The following RYR3 variants were observed in gnomAD, a reference collection of about 807,000 sequenced individuals.
The protein encoded by RYR3 is brain ryanodine receptor-calcium release channel.
In RYR3, 207 loss-of-function variants were observed where a neutral mutation model predicts 584.3. The ratio of observed to expected loss-of-function variants is 0.35; its 90% CI spans 0.32 to 0.40. The LOEUF is 0.40. Among genes scored for constraint, RYR3 ranks in the 10% least tolerant of loss-of-function variants. The pLI is 1.00. For missense variants in RYR3, 5,616 were observed against 6,089.2 expected (o/e 0.92, Z 2.59); for synonymous variants, 2,416 against 2,248.5 (o/e 1.07, Z -2.11).
chr15:33,662,671 T>A lies in RYR3; in HGVS notation c.5141T>A (p.Val1714Glu), dbSNP rs374176908. Residue 1714 changes from valine (V) to glutamate (E), a missense_variant, in exon 35 of 104, where the codon GTA becomes GAA. By Grantham distance (121) the Val-to-Glu change is moderately radical. Transcript: ENST00000634891. Reference sequence around the variant, plus strand: ...AGCGGGGCCCACATCCGAGACCCTGTAGGGGGGTCTGTGGAGTTCCAGTTT... The same window carrying A: ...AGCGGGGCCCACATCCGAGACCCTGAAGGGGGGTCTGTGGAGTTCCAGTTT... Reference protein sequence around the residue: ...QCSGAHIRDPVGGSVEFQFVP... With the variant: ...QCSGAHIRDPEGGSVEFQFVP... 4 of 1,614,104 alleles carry A rather than the reference T, an allele frequency of 2.5e-6. No individual in the cohort carries two copies. Among genetic ancestry groups the A allele is most frequent in the Non-Finnish European group, 3.4e-6 (4 of 1,179,964 alleles).
At position 33,603,499 on chromosome 15, in the gene RYR3, GA is replaced by G. The variant is rs1243423133; in HGVS notation, c.2164+139del. 13 of 958,830 alleles carry G rather than the reference GA, an allele frequency of 1.4e-5. No homozygotes were observed. In the African/African-American group the frequency reaches 1.6e-4, roughly 12 times the overall value. 59.4% of individuals were successfully genotyped at this position (958,830 alleles called of 1,614,324 possible). A position where few individuals can be genotyped will look rare whatever the true frequency, so the allele number is the denominator to read the frequency against. On this transcript the variant is annotated intron_variant, in intron 18 of 103. Transcript: ENST00000634891. ...TCTCAACTAATTAAACGGTTAGGTG[GA>G]AAAGAGTATCAGATTAAAATAAGAC...
intron 65 of RYR3, among the ~76,000 whole-genome samples, chr15:33,781,047 C>G (rs993391085): frequency 1.3e-5 from 2 of 152,130 alleles, no homozygotes; most frequent in Non-Finnish European, 2.9e-5. Flanking sequence ...AAGTTTGGCC[C>G]GCGAGGCCTA....
In RYR3 at chr15:33,342,671, C is replaced by T. The variant is rs891271040; in HGVS notation, c.51+31575C>T. 2.6e-5 allele frequency among the ~76,000 whole-genome samples: 4 copies of T among 152,144 alleles called. No individual in the cohort carries two copies. The East Asian group carries it at 5.8e-4, about 22-fold the overall frequency. On this transcript the variant is annotated intron_variant, in intron 1 of 103. Transcript: ENST00000634891. ...GTTTTCTACCTCAAAATCCTTCCCC[C>T]CTTCTCCTAAATTCAAAAACAGAAG...
At chr15:33,805,070 G>A (rs1202474567) in intron 69 of RYR3, among the ~76,000 whole-genome samples, 1 of 152,206 alleles carries the variant, frequency 6.6e-6, no homozygotes, top group Non-Finnish European at 1.5e-5. Context: ...TATATTTTGT[G>A]TATATAACAC....
intron 38 of RYR3, among the ~76,000 whole-genome samples, chr15:33,682,832 C>T (rs1388623776): frequency 1.3e-5 from 2 of 152,082 alleles, no homozygotes; most frequent in South Asian, 2.1e-4. Flanking sequence ...GCTGAGGCGT[C>T]CTTACTATGT....
rs1349458499 is a variant in RYR3 at position 33,586,033 on chromosome 15, A to C, written c.1705A>C (p.Ser569Arg). Reference sequence around the variant, plus strand: ...AGTTTTGCACTGCATCTTAACTGAAAGCCCAGAAGCCTTAAATCTGATAGC... The same window carrying C: ...AGTTTTGCACTGCATCTTAACTGAACGCCCAGAAGCCTTAAATCTGATAGC... ...LEVLHCILTE[S>R]PEALNLIAEG... Residue 569 changes from serine to arginine, a missense_variant, in exon 16 of 104, where the codon AGC (serine) becomes CGC (arginine). Transcript: ENST00000634891. 6.2e-7 allele frequency: 1 copy of C among 1,613,428 alleles called. No individual in the cohort carries two copies. The highest frequency in any genetic ancestry group is 1.3e-5 in the African/African-American group (1 of 74,910).
chr15:33,775,933 C>G (rs2073967314), intron 64 of RYR3, among the ~76,000 whole-genome samples: 1 of 152,210 alleles, frequency 6.6e-6, no homozygotes, highest in African/African-American at 2.4e-5. Flanking sequence ...ATTTCGGTGT[C>G]CTTACTTGAT....
At chr15:33,771,130 G>A (rs979619382) in intron 62 of RYR3, among the ~76,000 whole-genome samples, 29 of 152,218 alleles carry the variant, frequency 1.9e-4, no homozygotes, top group African/African-American at 6.8e-4. Flanking sequence ...AACCTAGGAC[G>A]TTTCCCGCAA....
At chr15:33,836,863 G>T (rs776120762) in intron 87 of RYR3, 43 bp from the exon 88 acceptor site, 10 of 1,523,774 alleles carry the variant, frequency 6.6e-6, no homozygotes, top group Non-Finnish European at 9.1e-6. Flanking sequence ...GTACTTTACT[G>T]AGGGATCAGA....
rs2078516246 is a variant in RYR3 at position 33,843,513 on chromosome 15, A to G, written c.13235A>G (p.Asn4412Ser). Residue 4412 changes from asparagine to serine, a missense_variant, in exon 92 of 104, where the codon AAC (asparagine) becomes AGC (serine). Around this residue, in one of 9 missense-constraint regions of RYR3, gnomAD observed 918 missense variants for 887.4 expected, o/e 1.03. Transcript: ENST00000634891. ...LLHYLARNFY[N>S]LRFLALFVAF... ...CATTACCTGGCCAGGAATTTCTACA[A>G]CCTGAGGTTCCTTGCTCTGTTTGTA... 6.2e-7 allele frequency: 1 copy of G among 1,604,626 alleles called. No individual in the cohort carries two copies.
Position 33,748,515 on chromosome 15 carries a change from C to T in RYR3, c.8184C>T (p.Leu2728=). The change falls in exon 55 of 104, where the codon CTC becomes CTT. Residue 2728 remains leucine, a synonymous_variant. Transcript: ENST00000634891. ...PAPLDLSNVV[L]SRELQGMVEV... ...CCCTCGACCTCTCAAACGTTGTGCT[C>T]TCCAGAGAGCTCCAGGTCAGTGCCC... 1.2e-6 allele frequency: 2 copies of T among 1,612,572 alleles called. No individual in the cohort carries two copies. Among genetic ancestry groups the T allele is most frequent in the Non-Finnish European group, 1.7e-6 (2 of 1,179,374 alleles).
At chr15:33,647,615 T>TG (rs2062176768) in intron 30 of RYR3, among the ~76,000 whole-genome samples, 155 bp downstream of exon 30, 1 of 152,184 alleles carries the variant, frequency 6.6e-6, no homozygotes, top group African/African-American at 2.4e-5. Context: ...AACACATCTG[T>TG]GGCATTTCTC....
intron 48 of RYR3, among the ~76,000 whole-genome samples, chr15:33,732,842 G>A (rs1288490314): frequency 6.6e-6 from 1 of 152,180 alleles, no homozygotes; most frequent in Non-Finnish European, 1.5e-5. Flanking sequence ...CTGCTGTAGG[G>A]CACTCCAGAG....
intron 1 of RYR3, among the ~76,000 whole-genome samples, chr15:33,346,720 T>A (rs1595796315): frequency 6.6e-6 from 1 of 152,192 alleles, no homozygotes; most frequent in Non-Finnish European, 1.5e-5. Context: ...CTTTGCTTTA[T>A]AAGTAAGTAC....
At chr15:33,491,779 C>T (rs1419585189) in intron 2 of RYR3, among the ~76,000 whole-genome samples, 1 of 152,094 alleles carries the variant, frequency 6.6e-6, no homozygotes, top group Non-Finnish European at 1.5e-5. Flanking sequence ...CGTGGTATTT[C>T]CTGGCCAGTC....
chr15:33,647,294 C>T (rs2291736), intron 29 of RYR3, 130 bp from the exon 30 acceptor site: 146,718 of 678,702 alleles, frequency 0.22, 16,812 homozygotes, highest in East Asian at 0.33. Context: ...TGGTTGCAAT[C>T]ACTTGTGTTT....
At chr15:33,425,637 A>ATTTTTTTTTT (rs68182512) in intron 1 of RYR3, among the ~76,000 whole-genome samples, 2 of 121,804 alleles carry the variant, frequency 1.6e-5, no homozygotes, top group African/African-American at 3.3e-5. Context: ...GAGACTCACA[A>ATTTTTTTTTT]TTTTTTTTTT....
At chr15:33,512,634 T>C (rs2053134658) in intron 3 of RYR3, among the ~76,000 whole-genome samples, 2 of 152,360 alleles carry the variant, frequency 1.3e-5, no homozygotes, top group South Asian at 4.1e-4. Context: ...GCTTTGCTAA[T>C]GTTACACAAA....
At chr15:33,822,193 C>T (rs1567245151) in intron 80 of RYR3, among the ~76,000 whole-genome samples, 1 of 152,210 alleles carries the variant, frequency 6.6e-6, no homozygotes, top group Non-Finnish European at 1.5e-5. Flanking sequence ...AAGTACCTGA[C>T]ACATGGTATT....
Sources: allele counts gnomAD v4.1 joint callset (sites outside exome capture counted in the v4.1 genomes callset), GRCh38; gene constraint gnomAD v4.1.1; regional missense constraint gnomAD v4.1.1; transcripts MANE v1.5; gene names NCBI Gene and HGNC (gene_info 2026-07-23, HGNC 2026-07-21).